CDH13: variants seen among roughly 807,000 people sequenced by gnomAD.
The protein encoded by CDH13 is cadherin-13.
Under a neutral mutation model 63.8 loss-of-function variants are expected in CDH13, and 24 were observed. The observed-to-expected ratio is 0.38, with a 90% CI of 0.27 to 0.53. The LOEUF (loss-of-function observed/expected upper bound fraction) is 0.53, where lower values mean the gene tolerates loss of function less well. Among genes scored for constraint, CDH13 ranks in the 20% least tolerant of loss-of-function variants. CDH13 has a pLI of 0.85. For missense variants in CDH13, 1,049 were observed against 903.1 expected (o/e 1.16, Z -2.07); for synonymous variants, 503 against 355.3 (o/e 1.42, Z -4.67).
intron 8 of CDH13, among the ~76,000 whole-genome samples, chr16:83,647,995 C>G (rs145028172): frequency 1.3e-5 from 2 of 152,270 alleles, no homozygotes; most frequent in East Asian, 3.9e-4. Flanking sequence ...AGCATTATCC[C>G]AGTTCTTCGC....
At chr16:83,334,359 TCTCA>T (rs1567599348) in intron 5 of CDH13, among the ~76,000 whole-genome samples, 2 of 88,518 alleles carry the variant, frequency 2.3e-5, no homozygotes, top group African/African-American at 1.0e-4. Context: ...TCTCTCTCTC[TCTCA>T]CACACACACA....
At chr16:83,033,180 G>A (rs571151988) in intron 3 of CDH13, among the ~76,000 whole-genome samples, 1 of 152,166 alleles carries the variant, frequency 6.6e-6, no homozygotes, top group East Asian at 1.9e-4. Context: ...ATATCTCAAA[G>A]CTAACCTGCC....
At chr16:83,676,339 G>A (rs1200748534) in intron 9 of CDH13, among the ~76,000 whole-genome samples, 1 of 152,174 alleles carries the variant, frequency 6.6e-6, no homozygotes, top group African/African-American at 2.4e-5. Context: ...TGGCCCTTGG[G>A]GGACTGGGGT....
chr16:83,487,771 T>C (rs902498050), intron 7 of CDH13, among the ~76,000 whole-genome samples: 1 of 152,184 alleles, frequency 6.6e-6, no homozygotes, highest in Admixed American at 6.5e-5. Flanking sequence ...CCTCGGGGGC[T>C]CTGTGCATTT....
rs995645228 is a variant in CDH13, at chr16:82,800,242, A to G, written c.46-58120A>G. On this transcript the variant is annotated intron_variant, in intron 1 of 13. Transcript: ENST00000567109. ...GATTATGACAAAAAATAATTCAAAAATGAATTATTGAATGAGGAAGTTGGG... is the reference window on the plus strand; with the variant it reads ...GATTATGACAAAAAATAATTCAAAAGTGAATTATTGAATGAGGAAGTTGGG... 3.3e-5 allele frequency among the ~76,000 whole-genome samples: 5 copies of G among 152,218 alleles called. No individual in the cohort carries two copies. In the South Asian group the frequency reaches 6.2e-4, roughly 19 times the overall value.
intron 1 of CDH13, among the ~76,000 whole-genome samples, chr16:82,835,211 C>A (rs1173858780): frequency 6.6e-6 from 1 of 152,188 alleles, no homozygotes; most frequent in African/African-American, 2.4e-5. Context: ...TTAACAGCAC[C>A]TCTTAATTTG....
At chr16:82,959,392 T>G (rs764489604) in intron 2 of CDH13, among the ~76,000 whole-genome samples, 43 of 152,162 alleles carry the variant, frequency 2.8e-4, no homozygotes, top group Non-Finnish European at 2.2e-4. Context: ...CTGTAAAAAT[T>G]TATGACAAAA....
intron 10 of CDH13, among the ~76,000 whole-genome samples, chr16:83,731,291 A>G (rs1184698370): frequency 6.6e-6 from 1 of 151,952 alleles, no homozygotes; most frequent in Non-Finnish European, 1.5e-5. Context: ...ACAGTGTATA[A>G]GAGTTCCCTT....
intron 5 of CDH13, among the ~76,000 whole-genome samples, chr16:83,291,957 C>T (rs968213462): frequency 6.6e-6 from 1 of 152,196 alleles, no homozygotes; most frequent in African/African-American, 2.4e-5. Flanking sequence ...CACGTTTCAT[C>T]ATGCCTGCTC....
intron 6 of CDH13, among the ~76,000 whole-genome samples, chr16:83,401,419 G>A (rs1407812558): frequency 6.6e-6 from 1 of 151,954 alleles, no homozygotes; most frequent in East Asian, 1.9e-4. Flanking sequence ...AGCTGAGGTG[G>A]GAGAATCGTT....
At chr16:82,794,163 A>C (rs1466395344) in intron 1 of CDH13, among the ~76,000 whole-genome samples, 2 of 150,460 alleles carry the variant, frequency 1.3e-5, no homozygotes, top group African/African-American at 4.9e-5. Flanking sequence ...ATTTTTTTGC[A>C]ATTTTTTTTC....
chr16:83,178,559 C>T (rs1261779861), intron 4 of CDH13, among the ~76,000 whole-genome samples: 2 of 152,126 alleles, frequency 1.3e-5, no homozygotes, highest in Non-Finnish European at 2.9e-5. Context: ...ATCAGTGGGC[C>T]ATTAAAATGC....
intron 6 of CDH13, among the ~76,000 whole-genome samples, chr16:83,473,474 C>G (rs1443094291): frequency 2.6e-5 from 4 of 152,200 alleles, no homozygotes; most frequent in African/African-American, 9.6e-5. Flanking sequence ...CCTGAAACCT[C>G]CTGGAGATCC....
In CDH13 at chr16:83,047,052, C is replaced by T. The variant is rs1475301403; in HGVS notation, c.366+14834C>T. ...GAGAATGTGCACTGTCAACCAACCC[C>T]TTCATCGAGTCAGGCAAATTAGGAT... On this transcript the variant is annotated intron_variant, in intron 3 of 13. Transcript: ENST00000567109. This position sits in a 1 kb window ranked among gnomAD's most constrained non-coding sequence, Gnocchi z 4.9. 6.6e-6 allele frequency among the ~76,000 whole-genome samples: 1 copy of T among 152,184 alleles called. No individual in the cohort carries two copies. The highest frequency in any genetic ancestry group is 1.5e-5 in the Non-Finnish European group (1 of 68,036).
intron 2 of CDH13, among the ~76,000 whole-genome samples, chr16:82,948,214 T>TC (rs1904942187): frequency 6.6e-6 from 1 of 152,118 alleles, no homozygotes; most frequent in Non-Finnish European, 1.5e-5. Context: ...ATGTATTTAC[T>TC]CCCCCAAATC....
At chr16:82,754,771 T>G (rs1361174188) in intron 1 of CDH13, among the ~76,000 whole-genome samples, 1 of 152,222 alleles carries the variant, frequency 6.6e-6, no homozygotes, top group African/African-American at 2.4e-5. Flanking sequence ...TAATGATCTC[T>G]AAAAGCCAAC....
intron 3 of CDH13, among the ~76,000 whole-genome samples, chr16:83,068,799 A>G (rs2151537830): frequency 6.6e-6 from 1 of 152,300 alleles, no homozygotes; most frequent in East Asian, 1.9e-4. Context: ...AGGGCTGTGG[A>G]CACCCTGCTT....
At chr16:83,034,567 A>G (rs1268749195) in intron 3 of CDH13, among the ~76,000 whole-genome samples, 1 of 152,252 alleles carries the variant, frequency 6.6e-6, no homozygotes, top group Non-Finnish European at 1.5e-5. Flanking sequence ...TTGCCAGGAT[A>G]TACAGCAAAA....
At chr16:83,094,650 A>G (rs2034104581) in intron 3 of CDH13, among the ~76,000 whole-genome samples, 1 of 152,194 alleles carries the variant, frequency 6.6e-6, no homozygotes. Flanking sequence ...GAAAGAATGA[A>G]TGCTTCAGTT....
Sources: gnomAD v4.1 joint callset for allele counts (sites outside exome capture counted in the v4.1 genomes callset) on GRCh38, gnomAD v4.1.1 for gene constraint, Gnocchi (gnomAD v3.1) non-coding constraint, MANE v1.5 for transcripts, NCBI Gene and HGNC (gene_info 2026-07-23, HGNC 2026-07-21) for gene names.